CHRM2: variants seen among roughly 807,000 people sequenced by gnomAD.
The protein encoded by CHRM2 is cholinergic receptor muscarinic 2.
In CHRM2, 8 loss-of-function variants were observed where a neutral mutation model predicts 25.0. That is an observed-to-expected ratio of 0.32 (90% CI 0.19 to 0.58). The LOEUF (loss-of-function observed/expected upper bound fraction) is 0.58. Among genes scored for constraint, CHRM2 ranks in the 20% least tolerant of loss-of-function variants. The pLI, the probability that CHRM2 is intolerant of heterozygous loss-of-function variation, is 0.88. For missense variants in CHRM2, 440 were observed against 567.1 expected (o/e 0.78, Z 2.28); for synonymous variants, 202 against 205.7 (o/e 0.98, Z 0.15).
rs2130432051 is a variant in CHRM2 at position 136,869,174 on chromosome 7, G to A, written c.-282-87G>A. ...CCGCAGCTCTCGCCAGAGCCTTGGG[G>A]TCGGTTCTCTCCCGCCTCTCCCGCC... On this transcript the variant is annotated intron_variant, in intron 1 of 3. Coordinates refer to ENST00000680005, the MANE Select transcript of CHRM2 (RefSeq NM_001006630.2). The surrounding 1 kb of genome is among the most constrained non-coding windows in gnomAD (Gnocchi z 4.9). 6.6e-6 allele frequency: 1 copy of A among 152,388 alleles called. No individual in the cohort carries two copies. The highest frequency in any genetic ancestry group is 1.9e-4 in the East Asian group (1 of 5,162). The allele number at this position is 152,388 out of a possible 1,614,324, so 9.4% of individuals were successfully genotyped here.
rs949421291 is a variant in CHRM2 at position 137,017,326 on chromosome 7, C to T, written c.*1060C>T. ...TATTTCAACCTGAATTTGCCTGACC[C>T]ATGTATGAAATGTTAACTTATAGAA... On this transcript the variant is annotated 3_prime_UTR_variant, in exon 4 of 4. Coordinates refer to ENST00000680005, the MANE Select transcript of CHRM2 (RefSeq NM_001006630.2). 6.6e-6 allele frequency: 1 copy of T among 151,726 alleles called. No homozygotes were observed. The highest frequency in any genetic ancestry group is 2.4e-5 in the African/African-American group (1 of 41,342). 9.4% of individuals were successfully genotyped at this position (151,726 alleles called of 1,614,324 possible). A position where few individuals can be genotyped will look rare whatever the true frequency, so the allele number is the denominator to read the frequency against.
intron 2 of CHRM2, among the ~76,000 whole-genome samples, chr7:136,945,296 T>C (rs1800007989): frequency 6.6e-6 from 1 of 152,188 alleles, no homozygotes; most frequent in South Asian, 2.1e-4. Flanking sequence ...GGTCATGAAG[T>C]CTTTGCCTAA....
chr7:136,984,012 G>A (rs1802669295), intron 2 of CHRM2, among the ~76,000 whole-genome samples: 1 of 152,204 alleles, frequency 6.6e-6, no homozygotes, highest in Non-Finnish European at 1.5e-5. Context: ...AGGCAGAAAT[G>A]TTTAAGTTTG....
At chr7:136,873,764 T>C (rs1410495942) in intron 2 of CHRM2, among the ~76,000 whole-genome samples, 1 of 152,154 alleles carries the variant, frequency 6.6e-6, no homozygotes, top group Non-Finnish European at 1.5e-5. Context: ...TTCAATGATG[T>C]TCTCCCCATC....
intron 2 of CHRM2, among the ~76,000 whole-genome samples, chr7:136,925,927 T>C (rs1798719486): frequency 6.6e-6 from 1 of 152,182 alleles, no homozygotes; most frequent in Non-Finnish European, 1.5e-5. Context: ...TTTAATATGG[T>C]GTCCCTAACC....
intron 2 of CHRM2, among the ~76,000 whole-genome samples, chr7:136,964,482 A>C (rs2130906062): frequency 6.6e-6 from 1 of 152,256 alleles, no homozygotes; most frequent in Middle Eastern, 3.4e-3. Context: ...TGGGAGAAAA[A>C]CATTTCTCAA....
chr7:136,899,755 G>A (rs1433361736), intron 2 of CHRM2: 1 of 152,068 alleles, frequency 6.6e-6, no homozygotes, highest in African/African-American at 2.4e-5. Flanking sequence ...AGTAATCCAT[G>A]TCTTGCTTTA....
chr7:136,977,504 GT>G (rs1802182504), intron 2 of CHRM2, among the ~76,000 whole-genome samples: 1 of 152,146 alleles, frequency 6.6e-6, no homozygotes, highest in African/African-American at 2.4e-5. Flanking sequence ...TAAGTTGCAA[GT>G]GCTGATAGAA....
chr7:136,927,415 T>C (rs1584769562), intron 2 of CHRM2, among the ~76,000 whole-genome samples: 2 of 152,086 alleles, frequency 1.3e-5, no homozygotes, highest in African/African-American at 4.8e-5. Flanking sequence ...TGTGGGTGTG[T>C]GTGTGTATGT....
intron 3 of CHRM2, among the ~76,000 whole-genome samples, chr7:137,011,934 G>A (rs1003272813): frequency 6.6e-6 from 1 of 151,904 alleles, no homozygotes; most frequent in African/African-American, 2.4e-5. Flanking sequence ...TAATTTTGGG[G>A]ATTTTGGACC....
At chr7:136,889,775 T>C (rs1796616969) in intron 2 of CHRM2, among the ~76,000 whole-genome samples, 1 of 152,240 alleles carries the variant, frequency 6.6e-6, no homozygotes, top group African/African-American at 2.4e-5. Context: ...ACTCTATTCA[T>C]TTGGTTTGTT....
intron 2 of CHRM2, among the ~76,000 whole-genome samples, chr7:136,960,106 G>A (rs760581450): frequency 5.3e-5 from 8 of 152,188 alleles, no homozygotes; most frequent in South Asian, 2.1e-4. Flanking sequence ...AGCAAGCTGC[G>A]CCCCAACCTA....
At chr7:136,906,149 T>C (rs1382405334) in intron 2 of CHRM2, among the ~76,000 whole-genome samples, 2 of 150,760 alleles carry the variant, frequency 1.3e-5, no homozygotes, top group Non-Finnish European at 3.0e-5. Flanking sequence ...TGTATATATG[T>C]ATACATATAT....
rs568196082 is a variant in CHRM2, at chr7:136,954,746, T to G, written c.-124-37441T>G. Among the ~76,000 whole-genome samples the G allele has an allele frequency of 2.0e-5, 3 of 152,346 alleles. No individual in the cohort carries two copies. The South Asian group carries it at 6.2e-4, about 32-fold the overall frequency. On this transcript the variant is annotated intron_variant, in intron 2 of 3. Coordinates refer to ENST00000680005, the MANE Select transcript of CHRM2 (RefSeq NM_001006630.2). ...GCCCAGGAAGCTGAATGATCTTGAC[T>G]ACATCCATGGATTCTTCCATCCTCG... is the stretch of plus-strand genomic sequence containing the variant.
chr7:136,954,991 A>C (rs907180913), intron 2 of CHRM2, among the ~76,000 whole-genome samples: 3 of 152,150 alleles, frequency 2.0e-5, no homozygotes, highest in Admixed American at 6.5e-5. Flanking sequence ...CTTTGGGCCT[A>C]ATGGTATTAA....
chr7:136,937,197 C>A (rs1177278468), intron 2 of CHRM2, among the ~76,000 whole-genome samples: 1 of 152,088 alleles, frequency 6.6e-6, no homozygotes, highest in Non-Finnish European at 1.5e-5. Flanking sequence ...CTTTCAATAG[C>A]CGCATAAATT....
chr7:136,961,161 T>C (rs759949097), intron 2 of CHRM2, among the ~76,000 whole-genome samples: 8 of 152,046 alleles, frequency 5.3e-5, no homozygotes, highest in Admixed American at 3.9e-4. Flanking sequence ...ATGCATTCAG[T>C]AGAAACCATA....
chr7:136,921,172 C>G (rs920975036), intron 2 of CHRM2, among the ~76,000 whole-genome samples: 5 of 152,058 alleles, frequency 3.3e-5, no homozygotes, highest in Non-Finnish European at 2.9e-5. Context: ...CGTTCTGTCT[C>G]CTTCTTCTCA....
intron 2 of CHRM2, among the ~76,000 whole-genome samples, chr7:136,963,074 T>C (rs1007344141): frequency 1.3e-5 from 2 of 151,956 alleles, no homozygotes; most frequent in African/African-American, 4.8e-5. Context: ...TGATGTTACA[T>C]GGAAGAGTGA....
Sources: gnomAD v4.1 joint callset for allele counts (sites outside exome capture counted in the v4.1 genomes callset) on GRCh38, gnomAD v4.1.1 for gene constraint, Gnocchi (gnomAD v3.1) non-coding constraint, MANE v1.5 for transcripts, NCBI Gene and HGNC (gene_info 2026-07-23, HGNC 2026-07-21) for gene names.